Variants in USP48 observed in about 807,000 individuals in gnomAD.
USP48 encodes the protein ubiquitin specific peptidase 48, also known as ubiquitin carboxyl-terminal hydrolase 48.
Under a neutral mutation model 150.7 loss-of-function variants are expected in USP48, and 43 were observed. The observed-to-expected ratio is 0.29, with a 90% CI of 0.22 to 0.37. The LOEUF is 0.37. Ranked by LOEUF, USP48 falls within the 10% of genes least tolerant of loss-of-function variation. USP48 has a pLI of 1.00. For synonymous variants in USP48, 396 were observed against 425.9 expected, an observed-to-expected ratio of 0.93 and a Z score of 0.86; for missense variants, 813 against 1,249.6, an observed-to-expected ratio of 0.65 and a Z score of 5.27.
chr1:21,683,976 C>T (rs992143368), intron 25 of USP48, among the ~76,000 whole-genome samples: 3 of 152,096 alleles, frequency 2.0e-5, no homozygotes, highest in African/African-American at 7.2e-5. Context: ...TTTTTAATGG[C>T]TGAATAATAG....
chr1:21,771,082 T>A (rs913361455), intron 1 of USP48, among the ~76,000 whole-genome samples: 1 of 152,080 alleles, frequency 6.6e-6, no homozygotes, highest in African/African-American at 2.4e-5. Flanking sequence ...GCTAAGATCG[T>A]GGCACTGCAC....
At chr1:21,768,818 G>A (rs2097870334) in intron 1 of USP48, among the ~76,000 whole-genome samples, 2 of 151,962 alleles carry the variant, frequency 1.3e-5, no homozygotes. Flanking sequence ...TTTGTGTTTT[G>A]AGGCAGGGTC....
intron 25 of USP48, among the ~76,000 whole-genome samples, chr1:21,685,017 C>T (rs994740782): frequency 5.3e-5 from 8 of 152,180 alleles, no homozygotes; most frequent in Admixed American, 2.6e-4. Flanking sequence ...TTTGGCTATT[C>T]AGGGTCTTTT....
intron 1 of USP48, among the ~76,000 whole-genome samples, chr1:21,763,463 G>C (rs918822134): frequency 2.0e-5 from 3 of 152,082 alleles, no homozygotes; most frequent in African/African-American, 7.3e-5. Context: ...AGCCCAATAT[G>C]GGGGGGCGGG....
chr1:21,747,068 T>C lies in USP48; in HGVS notation c.990A>G (p.Lys330=). ...TTTACTCCTCAGTAAAAATATTACC[T>C]TTATGTTCCACATAAGGCTCCATAT... ...ILDMEPYVEH[K]GGSYVYELSA... is the part of the protein sequence containing the mutation. Residue 330 remains lysine, a splice_region_variant and synonymous_variant, in exon 8 of 27, where the codon AAA becomes AAG. Coordinates refer to ENST00000308271, the MANE Select transcript of USP48 (RefSeq NM_032236.8). 6.2e-7 allele frequency: 1 copy of C among 1,605,220 alleles called. No homozygotes were observed. The highest frequency in any genetic ancestry group is 8.5e-7 in the Non-Finnish European group (1 of 1,175,464).
chr1:21,734,928 T>C (rs1009523573), intron 9 of USP48, among the ~76,000 whole-genome samples: 5 of 152,176 alleles, frequency 3.3e-5, no homozygotes, highest in Admixed American at 1.3e-4. Flanking sequence ...TGAAAGTACA[T>C]ACTAGGATAC....
chr1:21,692,767 G>A (rs774740414), intron 23 of USP48, among the ~76,000 whole-genome samples: 1 of 152,186 alleles, frequency 6.6e-6, no homozygotes, highest in Non-Finnish European at 1.5e-5. Flanking sequence ...AGCGAGCACA[G>A]GGGGACAGTC....
At chr1:21,692,886 C>T (rs186604533) in intron 23 of USP48, among the ~76,000 whole-genome samples, 7 of 152,178 alleles carry the variant, frequency 4.6e-5, no homozygotes, top group Non-Finnish European at 8.8e-5. Flanking sequence ...GGGAGGCCTA[C>T]GGTAAAATAA....
At chr1:21,770,786 A>C (rs970940305) in intron 1 of USP48, among the ~76,000 whole-genome samples, 1 of 151,814 alleles carries the variant, frequency 6.6e-6, no homozygotes, top group African/African-American at 2.4e-5. Flanking sequence ...CTGGCCAATC[A>C]AGTGTTATTC....
At chr1:21,756,959 T>C in intron 2 of USP48, 1 of 985,434 alleles carries the variant, frequency 1.0e-6, no homozygotes, top group Non-Finnish European at 1.2e-6. Context: ...TCCAGCCACT[T>C]AAATCTAAAA....
At chr1:21,759,117 G>C (rs2097843935) in intron 1 of USP48, among the ~76,000 whole-genome samples, 1 of 148,590 alleles carries the variant, frequency 6.7e-6, no homozygotes, top group South Asian at 2.1e-4. Context: ...AGGAGGCGGA[G>C]GTTGCAGTGA....
In USP48 at chr1:21,736,943, G is replaced by A. The variant is rs142123298; in HGVS notation, c.992-318C>T. Among the ~76,000 whole-genome samples, 338 of 152,250 alleles carry A rather than the reference G, an allele frequency of 2.2e-3. 2 individuals carry two copies. The highest frequency in any genetic ancestry group is 7.0e-3 in the African/African-American group (292 of 41,550). ...ACCGTGCTCTTCAGCACACACTAGC[G>A]AGGCCACACGCTTCCCAAGAATCGG... On this transcript the variant is annotated intron_variant, in intron 8 of 26. Transcript: ENST00000308271.
chr1:21,734,483 A>G (rs1279068623), intron 9 of USP48, among the ~76,000 whole-genome samples: 1 of 152,234 alleles, frequency 6.6e-6, no homozygotes, highest in Non-Finnish European at 1.5e-5. Context: ...GGAGTTAACA[A>G]ACGATTATCT....
intron 1 of USP48, among the ~76,000 whole-genome samples, chr1:21,771,540 T>C (rs2152641771): frequency 6.6e-6 from 1 of 151,114 alleles, no homozygotes; most frequent in South Asian, 2.1e-4. Context: ...TCTTGCCTTA[T>C]CAGATATTTT....
Position 21,771,381 on chromosome 1 carries a change from AAT to A in USP48, c.134+11441_134+11442del, listed in dbSNP as rs1020473129. Among the ~76,000 whole-genome samples, 117 of 148,940 alleles carry A rather than the reference AAT, an allele frequency of 7.9e-4. No homozygotes were observed. The South Asian group carries it at 0.017, about 21-fold the overall frequency. On this transcript the variant is annotated intron_variant, in intron 1 of 26. Coordinates refer to ENST00000308271, the MANE Select transcript of USP48 (RefSeq NM_032236.8). ...AGAGCAAGACTCCATCTCAAAAAAA[AAT>A]AAATTATTATTAATTATTAATAAAT...
chr1:21,719,903 A>G (rs533109484), intron 14 of USP48, among the ~76,000 whole-genome samples: 1 of 152,260 alleles, frequency 6.6e-6, no homozygotes, highest in Non-Finnish European at 1.5e-5. Flanking sequence ...AAATAAATAA[A>G]ATAAAAACTT....
At chr1:21,776,365 G>A (rs1453954604) in intron 1 of USP48, among the ~76,000 whole-genome samples, 1 of 151,996 alleles carries the variant, frequency 6.6e-6, no homozygotes, top group African/African-American at 2.4e-5. Flanking sequence ...ATAACAAATT[G>A]TTGCATAAAG....
chr1:21,755,557 A>G lies in USP48; in HGVS notation c.412+989T>C, dbSNP rs571882021. Among the ~76,000 whole-genome samples the G allele has an allele frequency of 3.5e-4, 54 of 152,192 alleles. 1 individual carries two copies. Among genetic ancestry groups the G allele is most frequent in the Admixed American group, 3.5e-3 (54 of 15,290 alleles). On this transcript the variant is annotated intron_variant, in intron 3 of 26. Transcript: ENST00000308271. ...AAAAAGTGAGATCTTGTCTCAAAAA[A>G]CAAACAAACAATAAAAAAAAACCTT... is the stretch of plus-strand genomic sequence containing the variant.
chr1:21,758,185 AACACACACACACACACACACACACAC>A (rs149088635), intron 1 of USP48, among the ~76,000 whole-genome samples: 5 of 141,352 alleles, frequency 3.5e-5, no homozygotes, highest in African/African-American at 1.3e-4. Flanking sequence ...GCAACTGTAA[AACACACACACACACACACACACACAC>A]ACACACACAC....
Sources: gnomAD v4.1 joint callset for allele counts (sites outside exome capture counted in the v4.1 genomes callset) on GRCh38, gnomAD v4.1.1 for gene constraint, MANE v1.5 for transcripts, NCBI Gene and HGNC (gene_info 2026-07-23, HGNC 2026-07-21) for gene names.